The following STK33 variants were observed in gnomAD, a reference collection of about 807,000 sequenced individuals.
The protein encoded by STK33 is serine/threonine kinase 33.
A neutral mutation model predicts 58.0 loss-of-function variants in STK33; 52 were observed. The ratio of observed to expected loss-of-function variants is 0.90; its 90% CI spans 0.72 to 1.13. The LOEUF (loss-of-function observed/expected upper bound fraction) is 1.13, where lower values mean the gene tolerates loss of function less well. STK33 is among the 50% of genes most tolerant of loss of function. The pLI is 0.00. For missense variants in STK33, 630 were observed against 604.2 expected, an observed-to-expected ratio of 1.04 and a Z score of -0.45; for synonymous variants, 215 against 200.1, an observed-to-expected ratio of 1.07 and a Z score of -0.63.
At position 8,421,012 on chromosome 11, in the gene STK33, T is replaced by C. The variant is rs1269658763; in HGVS notation, c.1147-7320A>G. Among the ~76,000 whole-genome samples the C allele has an allele frequency of 2.0e-5, 3 of 151,874 alleles. No homozygotes were observed. The East Asian group carries it at 5.8e-4, about 29-fold the overall frequency. On this transcript the variant is annotated intron_variant, in intron 14 of 15. Coordinates refer to ENST00000687296, the MANE Select transcript of STK33 (RefSeq NM_001352389.2). Reference sequence around the variant, plus strand: ...AAAAAAAGGGGAGGGGGGGAATATTTTTTGTTTTAGTTGTTTTAACTTTCA... The same window carrying C: ...AAAAAAAGGGGAGGGGGGGAATATTCTTTGTTTTAGTTGTTTTAACTTTCA...
intron 15 of STK33, among the ~76,000 whole-genome samples, chr11:8,395,778 C>G (rs1231861248): frequency 2.0e-5 from 3 of 152,128 alleles, no homozygotes; most frequent in Non-Finnish European, 2.9e-5. Context: ...ACATTTTGCA[C>G]GTTCGTAAGT....
chr11:8,572,866 T>A (rs574144120), intron 1 of STK33, among the ~76,000 whole-genome samples: 19 of 151,848 alleles, frequency 1.3e-4, no homozygotes, highest in African/African-American at 4.1e-4. Flanking sequence ...ATAGGAACTA[T>A]CCAAAATAAA....
At chr11:8,440,810 G>A in intron 11 of STK33, 57 bp from the exon 12 acceptor site, 1 of 1,482,450 alleles carries the variant, frequency 6.7e-7, no homozygotes, top group Admixed American at 2.0e-5. Context: ...TCTTTTAAAT[G>A]CTTAAACACA....
At chr11:8,517,804 G>C (rs1952949511) in intron 1 of STK33, among the ~76,000 whole-genome samples, 1 of 152,144 alleles carries the variant, frequency 6.6e-6, no homozygotes, top group Non-Finnish European at 1.5e-5. Context: ...AGAGTAAAAA[G>C]AAACGAATGA....
intron 1 of STK33, among the ~76,000 whole-genome samples, chr11:8,564,639 C>T (rs930912186): frequency 6.6e-6 from 1 of 152,070 alleles, no homozygotes; most frequent in Non-Finnish European, 1.5e-5. Context: ...TGCAGTTAAC[C>T]ACAGATGGAC....
chr11:8,508,262 T>TA, intron 1 of STK33, among the ~76,000 whole-genome samples: 1 of 132,430 alleles, frequency 7.6e-6, no homozygotes, highest in East Asian at 2.2e-4. Context: ...CTCTACCTTC[T>TA]ATTCTTTTTT....
the STK33 span, among the ~76,000 whole-genome samples, chr11:8,371,476 T>C: frequency 2.0e-5 from 3 of 152,196 alleles, no homozygotes; most frequent in Non-Finnish European, 4.4e-5. Flanking sequence ...TCCTGAACTA[T>C]GAGGAAATGC....
intron 1 of STK33, among the ~76,000 whole-genome samples, chr11:8,540,145 A>G (rs1955392184): frequency 6.6e-6 from 1 of 152,160 alleles, no homozygotes; most frequent in Non-Finnish European, 1.5e-5. Context: ...ACAATAGCCA[A>G]GATATGAAAA....
At chr11:8,564,511 TATAGAA>T (rs1957322085) in intron 1 of STK33, among the ~76,000 whole-genome samples, 1 of 152,184 alleles carries the variant, frequency 6.6e-6, no homozygotes. Context: ...GATAAAAAGA[TATAGAA>T]AGAGAACTTT....
chr11:8,463,497 G>C (rs59259130), intron 7 of STK33, among the ~76,000 whole-genome samples: 1 of 152,036 alleles, frequency 6.6e-6, no homozygotes, highest in African/African-American at 2.4e-5. Flanking sequence ...GACAGGTACC[G>C]GTCCAAGACC....
the STK33 span, among the ~76,000 whole-genome samples, chr11:8,362,087 C>A: frequency 2.7e-4 from 41 of 152,296 alleles, no homozygotes; most frequent in Admixed American, 2.2e-3. Context: ...GGTGAGCTGC[C>A]TTCCAAACTC....
intron 14 of STK33, among the ~76,000 whole-genome samples, chr11:8,424,696 T>C (rs908781458): frequency 5.4e-5 from 8 of 147,140 alleles, no homozygotes; most frequent in Non-Finnish European, 1.0e-4. Flanking sequence ...TGGTGTGAGA[T>C]GGTATCTCAT....
At chr11:8,462,343 C>A (rs11041933) in intron 7 of STK33, among the ~76,000 whole-genome samples, 8 of 149,644 alleles carry the variant, frequency 5.3e-5, no homozygotes, top group Non-Finnish European at 1.2e-4. Context: ...AGAAAAAAAA[C>A]AAAAAGTTTT....
chr11:8,538,835 T>C (rs1301833317), intron 1 of STK33, among the ~76,000 whole-genome samples: 3 of 152,142 alleles, frequency 2.0e-5, no homozygotes, highest in African/African-American at 4.8e-5. Context: ...GGAAAGAATA[T>C]GGAGCTATGA....
intron 14 of STK33, among the ~76,000 whole-genome samples, chr11:8,428,540 G>A (rs1274273502): frequency 6.6e-6 from 1 of 152,150 alleles, no homozygotes; most frequent in Admixed American, 6.5e-5. Flanking sequence ...ATCTTGGCAG[G>A]AACCAGAGTC....
At chr11:8,489,257 CAAAAAAAA>C (rs377017514) in intron 1 of STK33, among the ~76,000 whole-genome samples, 2 of 64,364 alleles carry the variant, frequency 3.1e-5, no homozygotes, top group South Asian at 4.8e-4. Context: ...AAGCTATCTC[CAAAAAAAA>C]AAAAAAGAAA....
chr11:8,493,444 G>A (rs1044877330), intron 1 of STK33, among the ~76,000 whole-genome samples: 4 of 152,134 alleles, frequency 2.6e-5, no homozygotes, highest in Non-Finnish European at 4.4e-5. Flanking sequence ...CTGAAATTGA[G>A]GCAATAATAA....
the STK33 span, among the ~76,000 whole-genome samples, chr11:8,385,481 T>C: frequency 6.6e-6 from 1 of 152,234 alleles, no homozygotes; most frequent in Non-Finnish European, 1.5e-5. Flanking sequence ...TCCCCGGCTC[T>C]TCCCACGGTT....
chr11:8,468,665 A>T (rs1948469612), intron 6 of STK33, among the ~76,000 whole-genome samples: 3 of 152,202 alleles, frequency 2.0e-5, no homozygotes, highest in Admixed American at 1.3e-4. Context: ...TGTATCTCTT[A>T]AAAAAACCTA....
Sources: gnomAD v4.1 joint callset for allele counts (sites outside exome capture counted in the v4.1 genomes callset) on GRCh38, gnomAD v4.1.1 for gene constraint, MANE v1.5 for transcripts, NCBI Gene and HGNC (gene_info 2026-07-23, HGNC 2026-07-21) for gene names.